Variants in TAF4 observed in about 807,000 individuals in gnomAD.
TAF4 encodes TATA-box binding protein associated factor 4, also known as transcription initiation factor TFIID subunit 4.
TAF4 carries 9 observed loss-of-function variants against 90.3 expected under a neutral mutation model. That is an observed-to-expected ratio of 0.10 (90% CI 0.06 to 0.17). The LOEUF is 0.17. Among genes scored for constraint, TAF4 ranks in the 10% least tolerant of loss-of-function variants. The pLI, the probability that TAF4 is intolerant of heterozygous loss-of-function variation, is 1.00. For synonymous variants in TAF4, 818 were observed against 638.9 expected (o/e 1.28, Z -4.23); for missense variants, 1,351 against 1,370.7 (o/e 0.99, Z 0.23).
intron 1 of TAF4, among the ~76,000 whole-genome samples, chr20:62,027,189 C>T (rs955658689): frequency 6.6e-6 from 1 of 152,172 alleles, no homozygotes; most frequent in African/African-American, 2.4e-5. Flanking sequence ...TCTCAGGGCC[C>T]AGTGCAGAAA....
At chr20:62,056,346 C>G (rs997657545) in intron 1 of TAF4, among the ~76,000 whole-genome samples, 1 of 152,254 alleles carries the variant, frequency 6.6e-6, no homozygotes, top group African/African-American at 2.4e-5. Context: ...AGAAATGCAA[C>G]TTAAAACTAG....
intron 1 of TAF4, among the ~76,000 whole-genome samples, chr20:62,048,690 G>A (rs966964212): frequency 5.6e-5 from 8 of 143,646 alleles, no homozygotes; most frequent in South Asian, 2.2e-4. Context: ...CTCTCCTGGC[G>A]TGCCCACCTC....
rs1394241037 is a variant in TAF4 at position 62,065,852 on chromosome 20, G to C, written c.-42C>G. On this transcript the variant is annotated 5_prime_UTR_variant, in exon 1 of 15. Coordinates refer to ENST00000252996, the MANE Select transcript of TAF4 (RefSeq NM_003185.4). The stretch of plus-strand genomic sequence containing the variant: ...CCGCCGCCGCCGCCGCTCGGGCCGA[G>C]CGCGCCTGGGCGAGGAGGAGGTTCC... The C allele has an allele frequency of 8.2e-7, 1 of 1,213,482 alleles. No homozygotes were observed. The highest frequency in any genetic ancestry group is 1.0e-6 in the Non-Finnish European group (1 of 952,898). 75.2% of individuals were successfully genotyped at this position (1,213,482 alleles called of 1,614,324 possible). A position where few individuals can be genotyped will look rare whatever the true frequency, so the allele number is the denominator to read the frequency against.
intron 6 of TAF4, chr20:62,007,120 T>C: frequency 3.7e-6 from 1 of 271,836 alleles, no homozygotes; most frequent in Non-Finnish European, 6.9e-6. Context: ...ATTCTATCTA[T>C]GACTGTAACA....
At chr20:61,977,082 A>AACTCC (rs2055499686) in intron 14 of TAF4, among the ~76,000 whole-genome samples, 1 of 149,416 alleles carries the variant, frequency 6.7e-6, no homozygotes. Flanking sequence ...CACGCCACAC[A>AACTCC]CACGACACCG....
intron 1 of TAF4, among the ~76,000 whole-genome samples, chr20:62,051,985 C>A (rs1005244462): frequency 4.6e-5 from 7 of 152,172 alleles, no homozygotes; most frequent in Admixed American, 1.3e-4. Context: ...CACGACCAAA[C>A]CCCTGCAGGG....
At chr20:62,020,914 A>G (rs2055839209) in intron 1 of TAF4, among the ~76,000 whole-genome samples, 2 of 152,208 alleles carry the variant, frequency 1.3e-5, no homozygotes, top group African/African-American at 4.8e-5. Context: ...GACAGAAAGG[A>G]CAGCAGTTGC....
In TAF4 at chr20:62,031,598, C is replaced by T. The variant is rs1213691595; in HGVS notation, c.1361-16891G>A. ...AACTCTGTGCCCACCTCCCAGCCTC[C>T]CCCTACCCTACTCCACTAGCAGCTG... On this transcript the variant is annotated intron_variant, in intron 1 of 14. Transcript: ENST00000252996. Among the ~76,000 whole-genome samples the T allele has an allele frequency of 2.6e-5, 4 of 152,308 alleles. No individual in the cohort carries two copies. In the South Asian group the frequency reaches 6.2e-4, roughly 24 times the overall value.
intron 14 of TAF4, among the ~76,000 whole-genome samples, chr20:61,985,901 ACC>A (rs2055586767): frequency 6.6e-6 from 1 of 151,704 alleles, no homozygotes; most frequent in Non-Finnish European, 1.5e-5. Context: ...GACCAAAGGA[ACC>A]ACCATCCCCG....
chr20:61,996,065 C>T (rs970325342), intron 14 of TAF4, among the ~76,000 whole-genome samples: 6 of 152,110 alleles, frequency 3.9e-5, no homozygotes, highest in African/African-American at 1.4e-4. Flanking sequence ...CAAAACACAA[C>T]ACAGACAAAC....
chr20:62,051,307 T>C (rs530403725), intron 1 of TAF4, among the ~76,000 whole-genome samples: 2 of 152,232 alleles, frequency 1.3e-5, no homozygotes, highest in East Asian at 3.9e-4. Flanking sequence ...TGCTCAGCTC[T>C]TGACGTGGGA....
chr20:62,010,417 G>A lies in TAF4; in HGVS notation c.1642-252C>T, dbSNP rs1156370603. 6.6e-6 allele frequency among the ~76,000 whole-genome samples: 1 copy of A among 152,098 alleles called. No individual in the cohort carries two copies. Among genetic ancestry groups the A allele is most frequent in the Non-Finnish European group, 1.5e-5 (1 of 68,022 alleles). On this transcript the variant is annotated intron_variant, in intron 3 of 14. Transcript: ENST00000252996. The surrounding 1 kb of genome is among the most constrained non-coding windows in gnomAD (Gnocchi z 4.5). The stretch of plus-strand genomic sequence containing the variant: ...ATTTGCACCTGCATCAAAAACGGAC[G>A]TTCACAAAGCCAGGCACTGCAGAGA...
chr20:62,000,389 C>A, intron 10 of TAF4, 135 bp from the exon 11 acceptor site: 1 of 1,396,502 alleles, frequency 7.2e-7, no homozygotes, highest in Non-Finnish European at 9.7e-7. Context: ...GGGTGGAAGG[C>A]AGTGGTACCC....
At chr20:61,981,681 GA>G (rs941386369) in intron 14 of TAF4, among the ~76,000 whole-genome samples, 1 of 152,068 alleles carries the variant, frequency 6.6e-6, no homozygotes, top group African/African-American at 2.4e-5. Flanking sequence ...AGAGCTGGGC[GA>G]ATCTCCCCCT....
At chr20:62,009,621 G>A (rs905419811) in intron 4 of TAF4, among the ~76,000 whole-genome samples, 1 of 152,240 alleles carries the variant, frequency 6.6e-6, no homozygotes, top group African/African-American at 2.4e-5. Context: ...TATCGATACA[G>A]GCCGACACTG....
chr20:62,006,281 G>C lies in TAF4; in HGVS notation c.2223+229C>G. 1.9e-6 allele frequency: 1 copy of C among 527,350 alleles called. No homozygotes were observed. The highest frequency in any genetic ancestry group is 8.1e-5 in the South Asian group (1 of 12,386). 32.7% of individuals were successfully genotyped at this position (527,350 alleles called of 1,614,324 possible). The stretch of plus-strand genomic sequence containing the variant: ...AAGGCAGGGCGGGGACGTGCCGGTG[G>C]TTCAAAGCCAACTCAACTATTTCAT... On this transcript the variant is annotated intron_variant, in intron 7 of 14. Transcript: ENST00000252996. This position sits in a 1 kb window ranked among gnomAD's most constrained non-coding sequence, Gnocchi z 7.0.
At chr20:62,034,260 G>A (rs947363538) in intron 1 of TAF4, among the ~76,000 whole-genome samples, 1 of 152,204 alleles carries the variant, frequency 6.6e-6, no homozygotes, top group Non-Finnish European at 1.5e-5. Context: ...GAGTGCTAGA[G>A]TAAGATCAAT....
chr20:62,007,269 C>T (rs999341916), intron 6 of TAF4, among the ~76,000 whole-genome samples: 1 of 152,236 alleles, frequency 6.6e-6, no homozygotes, highest in Non-Finnish European at 1.5e-5. Context: ...AACGCTACCC[C>T]ATTCCCCGTC....
At chr20:62,061,361 T>G (rs145706302) in intron 1 of TAF4, among the ~76,000 whole-genome samples, 37 of 152,304 alleles carry the variant, frequency 2.4e-4, no homozygotes, top group African/African-American at 8.2e-4. Flanking sequence ...TCCTAAAACA[T>G]GCAGCAAGCA....
Sources: allele counts gnomAD v4.1 joint callset (sites outside exome capture counted in the v4.1 genomes callset), GRCh38; gene constraint gnomAD v4.1.1; non-coding constraint Gnocchi (gnomAD v3.1); transcripts MANE v1.5; gene names NCBI Gene and HGNC (gene_info 2026-07-23, HGNC 2026-07-21).